PPFIBP1: variants seen among roughly 807,000 people sequenced by gnomAD.
PPFIBP1 encodes PPFIB scaffold protein 1.
PPFIBP1 carries 112 observed loss-of-function variants against 137.8 expected under a neutral mutation model. That is an observed-to-expected ratio of 0.81 (90% CI 0.70 to 0.95). The LOEUF is 0.95. Among genes scored for constraint, PPFIBP1 ranks in the 40% least tolerant of loss-of-function variants. PPFIBP1 has a pLI of 0.00. For missense variants in PPFIBP1, 1,083 were observed against 1,196.6 expected (o/e 0.91, Z 1.40); for synonymous variants, 378 against 417.3 (o/e 0.91, Z 1.15).
intron 2 of PPFIBP1, among the ~76,000 whole-genome samples, chr12:27,580,711 C>T (rs1215071220): frequency 6.6e-6 from 1 of 152,134 alleles, no homozygotes; most frequent in Non-Finnish European, 1.5e-5. Context: ...TCACCTTAGA[C>T]TGAAACTCAG....
chr12:27,643,094 C>A (rs2058230764), intron 4 of PPFIBP1, among the ~76,000 whole-genome samples: 1 of 150,782 alleles, frequency 6.6e-6, no homozygotes, highest in African/African-American at 2.4e-5. Context: ...GCTCTGAGAT[C>A]ACCTCCTAAA....
rs1227976988 is a variant in PPFIBP1, at chr12:27,689,148, G to T, written c.2630G>T (p.Arg877Leu). 1 of 1,599,766 alleles carries T rather than the reference G, an allele frequency of 6.3e-7. No individual in the cohort carries two copies. Among genetic ancestry groups the T allele is most frequent in the African/African-American group, 1.4e-5 (1 of 73,738 alleles). The change falls in exon 27 of 30, where the codon CGA becomes CTA. Residue 877 changes from arginine to leucine, a missense_variant. Transcript: ENST00000228425. ...LIGAEAQHQKRDAMELPDYVL... is the reference protein window; with the variant it reads ...LIGAEAQHQKLDAMELPDYVL... ...GGGGCTGAGGCACAGCACCAGAAGCGAGATGCCATGGAGCTGCCGGATTAT... is the reference window on the plus strand; with the variant it reads ...GGGGCTGAGGCACAGCACCAGAAGCTAGATGCCATGGAGCTGCCGGATTAT...
chr12:27,658,134 C>G (rs2059327991), intron 9 of PPFIBP1, among the ~76,000 whole-genome samples: 2 of 58,864 alleles, frequency 3.4e-5, no homozygotes, highest in Non-Finnish European at 3.1e-5. Context: ...AAGATCCTGT[C>G]TCTGAAAAAA....
In PPFIBP1 at chr12:27,664,287, A is replaced by G. The variant is rs116312208; in HGVS notation, c.907-75A>G. ...ATTCTTTATGTAATTACTATTCTTT[A>G]TGCAATTCTTTATGGAATTACTATT... On this transcript the variant is annotated intron_variant, in intron 11 of 29. Coordinates refer to ENST00000228425, the MANE Select transcript of PPFIBP1 (RefSeq NM_003622.4). The G allele has an allele frequency of 1.8e-3, 1,671 of 942,938 alleles. 17 individuals are homozygous for G. In the African/African-American group the frequency reaches 0.025, roughly 14 times the overall value. 58.4% of individuals were successfully genotyped at this position (942,938 alleles called of 1,614,324 possible). A position where few individuals can be genotyped will look rare whatever the true frequency, so the allele number is the denominator to read the frequency against.
At position 27,599,591 on chromosome 12, in the gene PPFIBP1, C is replaced by T. The variant is rs1052756671; in HGVS notation, c.-36+21352C>T. The T allele has an allele frequency of 5.2e-5, 23 of 443,678 alleles. 1 individual carries two copies. The highest frequency in any genetic ancestry group is 1.7e-4 in the Admixed American group (7 of 41,776). 27.5% of individuals were successfully genotyped at this position (443,678 alleles called of 1,614,324 possible). On this transcript the variant is annotated intron_variant, in intron 2 of 29. Coordinates refer to ENST00000228425, the MANE Select transcript of PPFIBP1 (RefSeq NM_003622.4). Reference sequence around the variant, plus strand: ...CTTCCTTCCTTTCATCCATTCATTTCCTATTGGTTCTGTATCTCTACAGAA... The same window carrying T: ...CTTCCTTCCTTTCATCCATTCATTTTCTATTGGTTCTGTATCTCTACAGAA...
intron 7 of PPFIBP1, among the ~76,000 whole-genome samples, chr12:27,651,995 T>C (rs1375435647): frequency 6.6e-6 from 1 of 152,176 alleles, no homozygotes; most frequent in Non-Finnish European, 1.5e-5. Flanking sequence ...TTCAGTGTTA[T>C]TTCTAAAACG....
At chr12:27,592,954 A>G (rs1185932797) in intron 2 of PPFIBP1, among the ~76,000 whole-genome samples, 1 of 151,978 alleles carries the variant, frequency 6.6e-6, no homozygotes, top group Non-Finnish European at 1.5e-5. Flanking sequence ...AGCCTGGCCA[A>G]CATGGTGAAA....
Position 27,694,183 on chromosome 12 carries a change from A to G in PPFIBP1, c.*1301A>G, listed in dbSNP as rs1334704552. The G allele has an allele frequency of 6.6e-6, 1 of 150,710 alleles. No individual in the cohort carries two copies. The highest frequency in any genetic ancestry group is 1.5e-5 in the Non-Finnish European group (1 of 67,692). 9.3% of individuals were successfully genotyped at this position (150,710 alleles called of 1,614,324 possible). A position where few individuals can be genotyped will look rare whatever the true frequency, so the allele number is the denominator to read the frequency against. ...CCCTTCACACCTGGCTGATTTTTCAAAAAGTTTTTTTGTAGAAACAGGGTC... is the reference window on the plus strand; with the variant it reads ...CCCTTCACACCTGGCTGATTTTTCAGAAAGTTTTTTTGTAGAAACAGGGTC... On this transcript the variant is annotated 3_prime_UTR_variant, in exon 30 of 30. Transcript: ENST00000228425.
At chr12:27,661,081 A>T in intron 11 of PPFIBP1, 136 bp downstream of exon 11, 1 of 1,317,628 alleles carries the variant, frequency 7.6e-7, no homozygotes, top group South Asian at 1.6e-5. Context: ...AGGTGTGCAC[A>T]CTCCCAGGTG....
chr12:27,674,561 C>G (rs958559397), intron 17 of PPFIBP1, among the ~76,000 whole-genome samples: 1 of 152,126 alleles, frequency 6.6e-6, no homozygotes, highest in Non-Finnish European at 1.5e-5. Context: ...TACTAAATGC[C>G]ACTGAATTGT....
At chr12:27,645,523 G>T (rs1432128790) in intron 4 of PPFIBP1, among the ~76,000 whole-genome samples, 2 of 152,296 alleles carry the variant, frequency 1.3e-5, no homozygotes, top group East Asian at 1.9e-4. Flanking sequence ...GCCAGATGCT[G>T]GGGAGGTTAC....
chr12:27,673,643 C>G, intron 15 of PPFIBP1, 124 bp from the exon 16 acceptor site: 1 of 745,270 alleles, frequency 1.3e-6, no homozygotes, highest in South Asian at 1.9e-5. Flanking sequence ...CTGCCTGATT[C>G]CAGATTTTCT....
intron 19 of PPFIBP1, among the ~76,000 whole-genome samples, chr12:27,678,856 CAAAAAAAAA>C (rs60834907): frequency 0.63 from 62,898 of 100,168 alleles, 17,772 homozygotes; most frequent in Middle Eastern, 0.74. Flanking sequence ...GACTCTGTCT[CAAAAAAAAA>C]AAAAAAAAAA....
intron 4 of PPFIBP1, among the ~76,000 whole-genome samples, chr12:27,644,369 C>T (rs1384430702): frequency 2.0e-5 from 3 of 151,700 alleles, no homozygotes; most frequent in African/African-American, 7.3e-5. Flanking sequence ...GTATGCACCA[C>T]CACCCTTGGC....
intron 1 of PPFIBP1, among the ~76,000 whole-genome samples, chr12:27,568,426 C>A (rs7965718): frequency 0.98 from 149,259 of 152,320 alleles, 73,208 homozygotes; most frequent in East Asian, 1. Flanking sequence ...TTAATTACTG[C>A]TTTCTGTAGA....
chr12:27,534,272 G>A (rs1016182858), intron 1 of PPFIBP1, among the ~76,000 whole-genome samples: 1 of 152,078 alleles, frequency 6.6e-6, no homozygotes, highest in Non-Finnish European at 1.5e-5. Flanking sequence ...CGATGGAAGA[G>A]AGGATAGGGG....
intron 1 of PPFIBP1, among the ~76,000 whole-genome samples, chr12:27,537,877 G>T (rs930633749): frequency 6.6e-6 from 1 of 152,110 alleles, no homozygotes; most frequent in South Asian, 2.1e-4. Context: ...TGGAAAGCAG[G>T]TATCTGGCTA....
intron 1 of PPFIBP1, among the ~76,000 whole-genome samples, chr12:27,571,085 T>C (rs2050103198): frequency 6.6e-6 from 1 of 152,178 alleles, no homozygotes; most frequent in African/African-American, 2.4e-5. Context: ...CTGACTTTTA[T>C]GTGTGTGTAT....
chr12:27,664,819 T>A (rs1408673857), intron 12 of PPFIBP1, among the ~76,000 whole-genome samples: 1 of 152,166 alleles, frequency 6.6e-6, no homozygotes, highest in Non-Finnish European at 1.5e-5. Context: ...ACCATAATGA[T>A]GAGCAACCTC....
Sources: gnomAD v4.1 joint callset for allele counts (sites outside exome capture counted in the v4.1 genomes callset) on GRCh38, gnomAD v4.1.1 for gene constraint, MANE v1.5 for transcripts, NCBI Gene and HGNC (gene_info 2026-07-23, HGNC 2026-07-21) for gene names.